Variants in MSL3 observed in about 807,000 individuals in gnomAD.
MSL3 encodes MSL3-like 1.
Under a neutral mutation model 37.2 loss-of-function variants are expected in MSL3, and 5 were observed. The ratio of observed to expected loss-of-function variants is 0.13; its 90% CI spans 0.07 to 0.28. The LOEUF is 0.28. Ranked by LOEUF, MSL3 falls within the 10% of genes least tolerant of loss-of-function variation. The pLI is 1.00. For synonymous variants in MSL3, 149 were observed against 147.6 expected, an observed-to-expected ratio of 1.01 and a Z score of -0.07; for missense variants, 315 against 408.5, an observed-to-expected ratio of 0.77 and a Z score of 1.97.
chrX:11,761,435 T>C, intron 4 of MSL3, 65 bp from the exon 5 acceptor site: 1 of 697,500 alleles, frequency 1.4e-6, no homozygotes, highest in Non-Finnish European at 2.2e-6. Context: ...CACGTGAAGA[T>C]CTGTAGACAT....
At chrX:11,770,937 T>C (rs1163109762) in intron 10 of MSL3, among the ~76,000 whole-genome samples, 1 of 111,970 alleles carries the variant, frequency 8.9e-6, no homozygotes, top group Non-Finnish European at 1.9e-5. Flanking sequence ...GGGCAGGTGC[T>C]GGGGATGCTG....
At chrX:11,771,022 C>T (rs182991305) in intron 10 of MSL3, among the ~76,000 whole-genome samples, 103 of 112,412 alleles carry the variant, frequency 9.2e-4, no homozygotes, top group Non-Finnish European at 1.1e-3. Flanking sequence ...GAGACCTAGG[C>T]GAGAGTCTAG....
Position 11,775,150 on chromosome X carries a change from C to G in MSL3, c.*71C>G, listed in dbSNP as rs968246700. 3.7e-6 allele frequency: 3 copies of G among 802,821 alleles called. No homozygotes were observed. Among genetic ancestry groups the G allele is most frequent in the Non-Finnish European group, 5.6e-6 (3 of 532,827 alleles). The allele number at this position is 802,821 out of a possible 1,213,427, so 66.2% of individuals were successfully genotyped here. On this transcript the variant is annotated 3_prime_UTR_variant, in exon 13 of 13. Coordinates refer to ENST00000312196, the MANE Select transcript of MSL3 (RefSeq NM_078629.4). ...CTCTGGGTTCCAGGTGAATAACTAA[C>G]AAGGTGGTGGGTCTTTACCCACAGC...
intron 9 of MSL3, 66 bp downstream of exon 9, chrX:11,765,795 C>T: frequency 5.9e-6 from 7 of 1,185,242 alleles, no homozygotes; most frequent in Non-Finnish European, 6.8e-6. Flanking sequence ...TAGTCAGTGC[C>T]AGGCATGGTG....
intron 5 of MSL3, among the ~76,000 whole-genome samples, chrX:11,761,848 A>T (rs747799428): frequency 8.9e-6 from 1 of 112,053 alleles, no homozygotes; most frequent in African/African-American, 3.2e-5. Flanking sequence ...ATAATGATTA[A>T]TTTTTTAATG....
intron 10 of MSL3, among the ~76,000 whole-genome samples, chrX:11,769,483 G>C (rs982498158): frequency 3.5e-5 from 4 of 112,908 alleles, no homozygotes; most frequent in African/African-American, 1.3e-4. Flanking sequence ...CAGGGATTCT[G>C]AAGACGTCTC....
chrX:11,765,571 G>A lies in MSL3; in HGVS notation c.1013G>A (p.Arg338His), dbSNP rs2053173669. 6 of 1,210,790 alleles carry A rather than the reference G, an allele frequency of 5.0e-6. No homozygotes were observed. The South Asian group carries it at 5.3e-5, about 11-fold the overall frequency. ...TTGEPATPKR[R>H]KAEPEALQSL... ...GGTGAACCAGCCACCCCCAAAAGGC[G>A]CAAAGCTGAGCCAGAAGCATTGCAG... Residue 338 changes from arginine (R) to histidine (H), a missense_variant, in exon 9 of 13, where the codon CGC (arginine) becomes CAC (histidine). By Grantham distance (29) the Arg-to-His change is conservative. Coordinates refer to ENST00000312196, the MANE Select transcript of MSL3 (RefSeq NM_078629.4).
intron 9 of MSL3, 32 bp from the exon 10 acceptor site, chrX:11,768,541 T>A: frequency 2.1e-6 from 2 of 961,049 alleles, no homozygotes; most frequent in African/African-American, 3.8e-5. Context: ...ATTCAGTTGC[T>A]GTGTGAATAA....
At chrX:11,763,314 T>C (rs889075906) in intron 7 of MSL3, among the ~76,000 whole-genome samples, 2 of 112,877 alleles carry the variant, frequency 1.8e-5, no homozygotes, top group Admixed American at 1.9e-4. Flanking sequence ...AGTGAGGATT[T>C]CTCAAAGCTT....
Position 11,765,562 on chromosome X carries a change from C to T in MSL3, c.1004C>T (p.Pro335Leu). The change falls in exon 9 of 13, where the codon CCC becomes CTC. Residue 335 changes from proline to leucine, a missense_variant. Transcript: ENST00000312196. ...SQPTTGEPAT[P>L]KRRKAEPEAL... ...CCGACCACCGGTGAACCAGCCACCC[C>T]CAAAAGGCGCAAAGCTGAGCCAGAA... is the stretch of plus-strand genomic sequence containing the variant. The T allele has an allele frequency of 1.7e-6, 2 of 1,211,240 alleles. No individual in the cohort carries two copies. The highest frequency in any genetic ancestry group is 2.2e-6 in the Non-Finnish European group (2 of 895,291).
chrX:11,766,094 C>A, intron 9 of MSL3: 1 of 902,291 alleles, frequency 1.1e-6, no homozygotes, highest in Non-Finnish European at 1.4e-6. Flanking sequence ...TTTCTTTGTA[C>A]TCTGTCTCTG....
At position 11,765,889 on chromosome X, in the gene MSL3, A is replaced by G. The variant is rs139071223; in HGVS notation, c.1171+160A>G. ...TGCTGCCTGCTTTCTGGAGCTGTAG[A>G]AAGTTGAAACACCTGGCGCAGATTG... is the stretch of plus-strand genomic sequence containing the variant. On this transcript the variant is annotated intron_variant, in intron 9 of 12. Transcript: ENST00000312196. 2.2e-3 allele frequency: 2,403 copies of G among 1,114,692 alleles called. 31 individuals are homozygous for G. The African/African-American group carries it at 0.037, about 17-fold the overall frequency. The allele number at this position is 1,114,692 out of a possible 1,213,427, so 91.9% of individuals were successfully genotyped here.
intron 8 of MSL3, 80 bp from the exon 9 acceptor site, chrX:11,765,387 G>C: frequency 9.1e-7 from 1 of 1,101,490 alleles, no homozygotes; most frequent in East Asian, 3.0e-5. Context: ...GGAGTAGAGA[G>C]AGCATTTCGT....
chrX:11,766,257 A>G lies in MSL3; in HGVS notation c.1171+528A>G, dbSNP rs960932660. The G allele has an allele frequency of 7.9e-6, 6 of 759,180 alleles. No homozygotes were observed. The African/African-American group carries it at 9.1e-5, about 12-fold the overall frequency. The allele number at this position is 759,180 out of a possible 1,213,427, so 62.6% of individuals were successfully genotyped here. On this transcript the variant is annotated intron_variant, in intron 9 of 12. Coordinates refer to ENST00000312196, the MANE Select transcript of MSL3 (RefSeq NM_078629.4). ...CCTTGATTTTGAGCTGGAATGTTTC[A>G]ATGAGCAAAATAAATTAGACAAAAG...
intron 2 of MSL3, 84 bp from the exon 3 acceptor site, chrX:11,760,319 G>T: frequency 1.7e-6 from 1 of 593,208 alleles, no homozygotes; most frequent in Non-Finnish European, 2.6e-6. Flanking sequence ...TGTAATTCTG[G>T]GGCATTTCTA....
intron 9 of MSL3, chrX:11,765,931 G>C: frequency 7.5e-6 from 8 of 1,070,689 alleles, no homozygotes; most frequent in Non-Finnish European, 9.7e-6. Flanking sequence ...AGCTGTGTTG[G>C]AGGCAGGACT....
At chrX:11,759,197 C>T (rs763556797) in intron 1 of MSL3, among the ~76,000 whole-genome samples, 1 of 112,170 alleles carries the variant, frequency 8.9e-6, no homozygotes, top group East Asian at 2.8e-4. Context: ...GTGTCTTTGG[C>T]GATGTCTGGA....
At chrX:11,765,884 T>C in intron 9 of MSL3, 155 bp downstream of exon 9, 2 of 1,114,895 alleles carry the variant, frequency 1.8e-6, no homozygotes, top group Non-Finnish European at 2.4e-6. Flanking sequence ...TTTCTGGAGC[T>C]GTAGAAAGTT....
rs1215910401 is a variant in MSL3 at position 11,766,941 on chromosome X, G to A, written c.1171+1212G>A. ...AGTAGGTGTATCTTGTGTATGACCT[G>A]TGCCCTGTTCTTCCCTCAGCCTCGC... On this transcript the variant is annotated intron_variant, in intron 9 of 12. Coordinates refer to ENST00000312196, the MANE Select transcript of MSL3 (RefSeq NM_078629.4). 5.3e-6 allele frequency: 4 copies of A among 753,057 alleles called. No homozygotes were observed. In the East Asian group the frequency reaches 4.5e-4, roughly 85 times the overall value. The allele number at this position is 753,057 out of a possible 1,213,427, so 62.1% of individuals were successfully genotyped here.
Sources: gnomAD v4.1 joint callset for allele counts (sites outside exome capture counted in the v4.1 genomes callset) on GRCh38, gnomAD v4.1.1 for gene constraint, MANE v1.5 for transcripts, NCBI Gene and HGNC (gene_info 2026-07-23, HGNC 2026-07-21) for gene names.